Variants in FSTL4 observed in about 807,000 individuals in gnomAD.
FSTL4 encodes the protein follistatin like 4.
Under a neutral mutation model 78.2 loss-of-function variants are expected in FSTL4, and 28 were observed. The observed-to-expected ratio is 0.36, with a 90% CI of 0.27 to 0.49. The LOEUF (loss-of-function observed/expected upper bound fraction) is 0.49, where lower values mean the gene tolerates loss of function less well. Among genes scored for constraint, FSTL4 ranks in the 20% least tolerant of loss-of-function variants. The pLI, the probability that FSTL4 is intolerant of heterozygous loss-of-function variation, is 0.98. For missense variants in FSTL4, 922 were observed against 1,084.9 expected (o/e 0.85, Z 2.11); for synonymous variants, 422 against 440.5 (o/e 0.96, Z 0.53).
chr5:133,653,455 C>T, the FSTL4 span, among the ~76,000 whole-genome samples: 1 of 152,176 alleles, frequency 6.6e-6, no homozygotes, highest in Non-Finnish European at 1.5e-5. Flanking sequence ...TGGGTATCTC[C>T]CTCGGGACTG....
the FSTL4 span, among the ~76,000 whole-genome samples, chr5:133,777,350 G>C: frequency 6.6e-6 from 1 of 152,126 alleles, no homozygotes; most frequent in Non-Finnish European, 1.5e-5. Flanking sequence ...TGGACTGGAA[G>C]GAAATGCACC....
intron 3 of FSTL4, among the ~76,000 whole-genome samples, chr5:133,448,747 G>GT (rs1757320663): frequency 6.9e-6 from 1 of 145,474 alleles, no homozygotes; most frequent in Non-Finnish European, 1.5e-5. Flanking sequence ...GGCGGGGGGG[G>GT]GGGGCGCTCA....
the FSTL4 span, among the ~76,000 whole-genome samples, chr5:133,672,911 G>A: frequency 6.6e-6 from 1 of 152,326 alleles, no homozygotes; most frequent in South Asian, 2.1e-4. Flanking sequence ...GCCCAAGACG[G>A]TCAGGGCACA....
intron 3 of FSTL4, among the ~76,000 whole-genome samples, chr5:133,463,222 C>T (rs1757632983): frequency 6.6e-6 from 1 of 152,130 alleles, no homozygotes; most frequent in Non-Finnish European, 1.5e-5. Flanking sequence ...TTTTTTGAGC[C>T]CTCTGCTTTG....
intron 4 of FSTL4, among the ~76,000 whole-genome samples, chr5:133,358,756 C>T: frequency 6.6e-6 from 1 of 152,128 alleles, no homozygotes; most frequent in East Asian, 1.9e-4. Flanking sequence ...CCCGCCACCA[C>T]ACCCAGCTAA....
chr5:133,241,270 T>C (rs1751865338), intron 7 of FSTL4, among the ~76,000 whole-genome samples: 1 of 152,238 alleles, frequency 6.6e-6, no homozygotes, highest in African/African-American at 2.4e-5. Context: ...TTCCAGCAAA[T>C]TGTTGAACCT....
intron 6 of FSTL4, among the ~76,000 whole-genome samples, chr5:133,280,864 C>G (rs901215257): frequency 6.6e-6 from 1 of 152,228 alleles, no homozygotes; most frequent in African/African-American, 2.4e-5. Flanking sequence ...GCTAGTTCCT[C>G]TCACCTCCCT....
chr5:133,645,059 C>A, the FSTL4 span, among the ~76,000 whole-genome samples: 1 of 152,084 alleles, frequency 6.6e-6, no homozygotes, highest in Admixed American at 6.6e-5. Context: ...GACCTCATGA[C>A]CCTTTGGTTT....
chr5:133,510,893 G>A (rs990432332), intron 3 of FSTL4, among the ~76,000 whole-genome samples: 10 of 151,944 alleles, frequency 6.6e-5, no homozygotes, highest in African/African-American at 2.4e-4. Context: ...CCATCTGTGA[G>A]ATGGGGACAT....
chr5:133,254,107 G>A (rs1270586105), intron 6 of FSTL4, among the ~76,000 whole-genome samples: 2 of 152,220 alleles, frequency 1.3e-5, no homozygotes, highest in African/African-American at 4.8e-5. Flanking sequence ...CTTAGTAACA[G>A]AAACACTCAG....
Position 133,520,057 on chromosome 5 carries a change from G to A in FSTL4, c.160+47129C>T, listed in dbSNP as rs558812692. Among the ~76,000 whole-genome samples the A allele has an allele frequency of 5.9e-5, 9 of 152,322 alleles. No individual in the cohort carries two copies. The South Asian group carries it at 1.4e-3, about 25-fold the overall frequency. ...AGGTGGCAATTGCAGGTGGGTTTCCGTATTTCTTTTCTCAATTTTTCTTCT... is the reference window on the plus strand; with the variant it reads ...AGGTGGCAATTGCAGGTGGGTTTCCATATTTCTTTTCTCAATTTTTCTTCT... On this transcript the variant is annotated intron_variant, in intron 3 of 15. Coordinates refer to ENST00000265342, the MANE Select transcript of FSTL4 (RefSeq NM_015082.2).
At chr5:133,626,822 C>T in the FSTL4 span, among the ~76,000 whole-genome samples, 2 of 152,054 alleles carry the variant, frequency 1.3e-5, no homozygotes, top group African/African-American at 4.8e-5. Context: ...TATTTTGTTA[C>T]ATGTTCTGTG....
At chr5:133,221,191 C>G (rs1199340937) in intron 11 of FSTL4, among the ~76,000 whole-genome samples, 1 of 152,204 alleles carries the variant, frequency 6.6e-6, no homozygotes, top group East Asian at 1.9e-4. Context: ...AAAGGGAAAG[C>G]CTCCCTTGAT....
chr5:133,628,566 G>A, the FSTL4 span, among the ~76,000 whole-genome samples: 11,330 of 151,868 alleles, frequency 0.075, 436 homozygotes, highest in South Asian at 0.17. Context: ...CTCCATTTTG[G>A]TCAGGCTGGT....
chr5:133,436,514 C>T (rs1343853783), intron 3 of FSTL4, among the ~76,000 whole-genome samples: 1 of 151,992 alleles, frequency 6.6e-6, no homozygotes, highest in Non-Finnish European at 1.5e-5. Flanking sequence ...AGAATTTGAG[C>T]CTTTATTCTA....
At position 133,395,382 on chromosome 5, in the gene FSTL4, C is replaced by T. The variant is rs549067245; in HGVS notation, c.409+5356G>A. ...CACCGCGAAGGTCCGCAGCTTCACTCCTGAAGCCAGCGAGACCACGAACCC... is the reference window on the plus strand; with the variant it reads ...CACCGCGAAGGTCCGCAGCTTCACTTCTGAAGCCAGCGAGACCACGAACCC... On this transcript the variant is annotated intron_variant, in intron 4 of 15. Transcript: ENST00000265342. 6.2e-4 allele frequency among the ~76,000 whole-genome samples: 94 copies of T among 152,346 alleles called. 1 individual carries two copies. Among genetic ancestry groups the T allele is most frequent in the African/African-American group, 2.2e-3 (91 of 41,580 alleles).
chr5:133,265,292 C>A (rs1752619488), intron 6 of FSTL4, among the ~76,000 whole-genome samples: 1 of 152,230 alleles, frequency 6.6e-6, no homozygotes, highest in African/African-American at 2.4e-5. Context: ...CTCCAAATGT[C>A]CTGGGCCTTC....
chr5:133,295,841 T>C lies in FSTL4; in HGVS notation c.727+16813A>G, dbSNP rs140067360. Among the ~76,000 whole-genome samples the C allele has an allele frequency of 5.1e-4, 77 of 152,302 alleles. No individual in the cohort carries two copies. The East Asian group carries it at 0.015, about 29-fold the overall frequency. Reference sequence around the variant, plus strand: ...CTTTTGGGGCTCCCACTCCTCTTCCTGACCTCTTCCCATCAGAGGCTCTTA... The same window carrying C: ...CTTTTGGGGCTCCCACTCCTCTTCCCGACCTCTTCCCATCAGAGGCTCTTA... On this transcript the variant is annotated intron_variant, in intron 6 of 15. Transcript: ENST00000265342.
At chr5:133,343,451 C>T (rs1320259997) in intron 4 of FSTL4, among the ~76,000 whole-genome samples, 4 of 152,196 alleles carry the variant, frequency 2.6e-5, no homozygotes, top group Non-Finnish European at 5.9e-5. Flanking sequence ...CAGCTTCATA[C>T]AGAACGTGGA....
Sources: gnomAD v4.1 joint callset for allele counts (sites outside exome capture counted in the v4.1 genomes callset) on GRCh38, gnomAD v4.1.1 for gene constraint, MANE v1.5 for transcripts, NCBI Gene and HGNC (gene_info 2026-07-23, HGNC 2026-07-21) for gene names.